The following SNTG1 variants were observed in gnomAD, a reference collection of about 807,000 sequenced individuals.
The protein encoded by SNTG1 is syntrophin gamma 1.
A neutral mutation model predicts 74.7 loss-of-function variants in SNTG1; 39 were observed. That is an observed-to-expected ratio of 0.52 (90% confidence interval 0.40 to 0.68). The LOEUF (loss-of-function observed/expected upper bound fraction) is 0.68, where lower values mean the gene tolerates loss of function less well. Ranked by LOEUF, SNTG1 falls within the 30% of genes least tolerant of loss-of-function variation. The pLI, the probability that SNTG1 is intolerant of heterozygous loss-of-function variation, is 0.00. For synonymous variants in SNTG1, 254 were observed against 217.1 expected, an observed-to-expected ratio of 1.17 and a Z score of -1.49; for missense variants, 685 against 609.5, an observed-to-expected ratio of 1.12 and a Z score of -1.30.
At chr8:50,270,855 G>C (rs1480513851) in intron 2 of SNTG1, among the ~76,000 whole-genome samples, 1 of 152,156 alleles carries the variant, frequency 6.6e-6, no homozygotes, top group African/African-American at 2.4e-5. Context: ...TTTCAATAAA[G>C]AATCAGGAAA....
intron 17 of SNTG1, among the ~76,000 whole-genome samples, chr8:50,717,848 G>C (rs2095478588): frequency 6.6e-6 from 1 of 152,138 alleles, no homozygotes; most frequent in South Asian, 2.1e-4. Flanking sequence ...ACACACTGTG[G>C]GATAGTCCCA....
intron 15 of SNTG1, among the ~76,000 whole-genome samples, chr8:50,680,806 C>A (rs190426054): frequency 2.6e-3 from 401 of 152,142 alleles, no homozygotes; most frequent in African/African-American, 9.3e-3. Flanking sequence ...CAGGTATGTG[C>A]TCGCAGCTCC....
chr8:50,657,030 G>T lies in SNTG1; in HGVS notation c.966+5G>T. 9 of 1,498,794 alleles carry T rather than the reference G, an allele frequency of 6.0e-6. No individual in the cohort carries two copies. Among genetic ancestry groups the T allele is most frequent in the Non-Finnish European group, 5.4e-6 (6 of 1,118,882 alleles). The allele number at this position is 1,498,794 out of a possible 1,614,324, so 92.8% of individuals were successfully genotyped here. A position where few individuals can be genotyped will look rare whatever the true frequency, so the allele number is the denominator to read the frequency against. ...TACAAGTTTCTGGCACCTCCAGTAC[G>T]TGTTTTATTGAAATGTATTGGTCGT... On this transcript the variant is annotated splice_donor_5th_base_variant and intron_variant, in intron 14 of 18. Transcript: ENST00000642720.
At chr8:49,968,346 T>C (rs1299368254) in intron 1 of SNTG1, among the ~76,000 whole-genome samples, 1 of 152,204 alleles carries the variant, frequency 6.6e-6, no homozygotes, top group East Asian at 1.9e-4. Flanking sequence ...TTGTCTCATG[T>C]AAAGATCATT....
At chr8:50,221,512 T>TACACACACAC (rs71550218) in intron 2 of SNTG1, among the ~76,000 whole-genome samples, 39 of 130,204 alleles carry the variant, frequency 3.0e-4, no homozygotes, top group African/African-American at 8.1e-4. Flanking sequence ...AACACACACA[T>TACACACACAC]ACACACACAC....
At chr8:50,725,025 T>C (rs1364097002) in intron 17 of SNTG1, among the ~76,000 whole-genome samples, 1 of 152,152 alleles carries the variant, frequency 6.6e-6, no homozygotes, top group East Asian at 1.9e-4. Context: ...GACAAATAAA[T>C]ATCATTCGGC....
chr8:50,077,189 A>G (rs1195384290), intron 1 of SNTG1, among the ~76,000 whole-genome samples: 2 of 152,174 alleles, frequency 1.3e-5, no homozygotes, highest in Non-Finnish European at 2.9e-5. Flanking sequence ...GATGAATTCG[A>G]TATTCAATTT....
At chr8:50,686,380 ATAAAT>A (rs1411531527) in intron 15 of SNTG1, among the ~76,000 whole-genome samples, 1 of 152,334 alleles carries the variant, frequency 6.6e-6, no homozygotes, top group East Asian at 1.9e-4. Flanking sequence ...CCCTCATTAG[ATAAAT>A]TAAATTATAG....
intron 4 of SNTG1, among the ~76,000 whole-genome samples, chr8:50,405,763 T>C (rs1248954277): frequency 1.3e-5 from 2 of 152,136 alleles, no homozygotes; most frequent in Non-Finnish European, 2.9e-5. Flanking sequence ...TCTAAGAGTT[T>C]ACAATTTTTG....
At chr8:50,238,246 A>G (rs1399954211) in intron 2 of SNTG1, among the ~76,000 whole-genome samples, 2 of 152,174 alleles carry the variant, frequency 1.3e-5, no homozygotes, top group African/African-American at 4.8e-5. Context: ...TAACTATACT[A>G]CAAGGCTATT....
At chr8:50,684,435 G>A (rs1036483936) in intron 15 of SNTG1, among the ~76,000 whole-genome samples, 3 of 152,138 alleles carry the variant, frequency 2.0e-5, no homozygotes, top group African/African-American at 7.2e-5. Context: ...TCTCTTGTTT[G>A]TTTGCTTTTC....
At chr8:50,084,790 T>C (rs1822725659) in intron 1 of SNTG1, among the ~76,000 whole-genome samples, 1 of 152,212 alleles carries the variant, frequency 6.6e-6, no homozygotes, top group Non-Finnish European at 1.5e-5. Context: ...TTAATGCTGT[T>C]ATTGTGGGAG....
chr8:50,680,217 A>T (rs1004656915), intron 15 of SNTG1, among the ~76,000 whole-genome samples: 33 of 152,200 alleles, frequency 2.2e-4, no homozygotes, highest in African/African-American at 8.0e-4. Context: ...TTCAAAAAGG[A>T]TAGTGTATGT....
chr8:50,480,460 A>G (rs1464214940), intron 8 of SNTG1, among the ~76,000 whole-genome samples: 1 of 152,172 alleles, frequency 6.6e-6, no homozygotes, highest in Non-Finnish European at 1.5e-5. Context: ...GTTTATTTAA[A>G]TTTATTTTCT....
intron 2 of SNTG1, among the ~76,000 whole-genome samples, chr8:50,222,770 C>T (rs933770356): frequency 6.6e-6 from 1 of 152,128 alleles, no homozygotes; most frequent in African/African-American, 2.4e-5. Context: ...GCATCTCCAG[C>T]ACCAAAATTA....
chr8:50,007,509 A>T (rs1311817791), intron 1 of SNTG1, among the ~76,000 whole-genome samples: 3 of 152,174 alleles, frequency 2.0e-5, no homozygotes, highest in Non-Finnish European at 4.4e-5. Flanking sequence ...GAAAATAAAG[A>T]TTAGCAAGAT....
At chr8:50,284,571 G>A (rs2088657118) in intron 2 of SNTG1, among the ~76,000 whole-genome samples, 2 of 151,994 alleles carry the variant, frequency 1.3e-5, no homozygotes, top group Non-Finnish European at 1.5e-5. Flanking sequence ...CTTACTTCCT[G>A]GAACCACAAA....
chr8:50,793,214 C>T lies in SNTG1; in HGVS notation c.*385C>T, dbSNP rs2095696312. The T allele has an allele frequency of 6.5e-6, 1 of 154,356 alleles. No homozygotes were observed. The highest frequency in any genetic ancestry group is 2.1e-4 in the South Asian group (1 of 4,858). 9.6% of individuals were successfully genotyped at this position (154,356 alleles called of 1,614,324 possible). A position where few individuals can be genotyped will look rare whatever the true frequency, so the allele number is the denominator to read the frequency against. On this transcript the variant is annotated 3_prime_UTR_variant, in exon 19 of 19. Coordinates refer to ENST00000642720, the MANE Select transcript of SNTG1 (RefSeq NM_018967.5). ...TTTAGATTATTTTGTATGACTAGTA[C>T]ATGTTGGGCAGAGTCATAGGAAAAC... is the stretch of plus-strand genomic sequence containing the variant.
At chr8:50,201,201 TAG>T (rs1364742862) in intron 2 of SNTG1, among the ~76,000 whole-genome samples, 5 of 152,206 alleles carry the variant, frequency 3.3e-5, no homozygotes, top group Admixed American at 3.3e-4. Flanking sequence ...TAATGAAGTT[TAG>T]AGTTTTCTCA....
Sources: gnomAD v4.1 joint callset for allele counts (sites outside exome capture counted in the v4.1 genomes callset) on GRCh38, gnomAD v4.1.1 for gene constraint, MANE v1.5 for transcripts, NCBI Gene and HGNC (gene_info 2026-07-23, HGNC 2026-07-21) for gene names.